The following FGF14 variants were observed in gnomAD, a reference collection of about 807,000 sequenced individuals.
FGF14 encodes the protein fibroblast growth factor 14, also known as fibroblast growth factor homologous factor 4.
A neutral mutation model predicts 25.5 loss-of-function variants in FGF14; 5 were observed. The ratio of observed to expected loss-of-function variants is 0.20; its 90% CI spans 0.10 to 0.41. The LOEUF is 0.41. Ranked by LOEUF, FGF14 falls within the 10% of genes least tolerant of loss-of-function variation. The probability of loss-of-function intolerance (pLI) is 1.00; values close to 1 mark genes in which losing one functional copy is unlikely to be tolerated. For missense variants in FGF14, 222 were observed against 320.1 expected (o/e 0.69, Z 2.34); for synonymous variants, 138 against 118.3 (o/e 1.17, Z -1.08).
intron 1 of FGF14, among the ~76,000 whole-genome samples, chr13:101,883,809 T>A (rs2045842922): frequency 6.6e-6 from 1 of 151,928 alleles, no homozygotes; most frequent in African/African-American, 2.4e-5. Flanking sequence ...ACACCTGTAA[T>A]CCCAGCACTT....
chr13:102,255,344 A>C (rs2052384811), intron 1 of FGF14, among the ~76,000 whole-genome samples: 1 of 152,218 alleles, frequency 6.6e-6, no homozygotes, highest in South Asian at 2.1e-4. Context: ...ATGAACCAAA[A>C]ATTGTTGAAA....
chr13:102,109,750 G>C (rs1446814572), intron 1 of FGF14, among the ~76,000 whole-genome samples: 14 of 152,134 alleles, frequency 9.2e-5, no homozygotes, highest in African/African-American at 3.1e-4. Context: ...CTCCTGAGTA[G>C]CTGGGACTAC....
chr13:101,870,093 T>C (rs2044967988), intron 2 of FGF14, among the ~76,000 whole-genome samples: 1 of 152,178 alleles, frequency 6.6e-6, no homozygotes. Flanking sequence ...TTAGTTTCAC[T>C]ACGTAAACTA....
intron 1 of FGF14, among the ~76,000 whole-genome samples, chr13:102,198,835 G>A (rs1006954585): frequency 2.0e-5 from 3 of 152,154 alleles, no homozygotes; most frequent in African/African-American, 7.2e-5. Flanking sequence ...TGGTATCTCT[G>A]ACATGGCTTA....
At chr13:102,338,881 C>T (rs2056867136) in intron 1 of FGF14, among the ~76,000 whole-genome samples, 1 of 151,428 alleles carries the variant, frequency 6.6e-6, no homozygotes, top group Admixed American at 6.6e-5. Flanking sequence ...CATGGTGGTG[C>T]GCACCTGTAA....
In FGF14 at chr13:102,057,771, GATAA is replaced by G. The variant is rs1197518660; in HGVS notation, c.209-182479_209-182476del. ...TGAATAAAGGAATAGATAAATAAAT[GATAA>G]ATAAAGTGACTGAATACATTTAACC... On this transcript the variant is annotated intron_variant, in intron 1 of 4. Coordinates refer to the FGF14 transcript ENST00000376131. Among the ~76,000 whole-genome samples, 9 of 152,224 alleles carry G rather than the reference GATAA, an allele frequency of 5.9e-5. No homozygotes were observed. In the South Asian group the frequency reaches 1.0e-3, roughly 18 times the overall value.
intron 1 of FGF14, among the ~76,000 whole-genome samples, chr13:102,074,310 G>C (rs1293456016): frequency 6.6e-6 from 1 of 152,196 alleles, no homozygotes; most frequent in Non-Finnish European, 1.5e-5. Context: ...ACCACGCCCA[G>C]CAGGGCTATT....
chr13:101,816,136 G>A (rs2041833233), intron 3 of FGF14, among the ~76,000 whole-genome samples: 2 of 151,408 alleles, frequency 1.3e-5, no homozygotes, highest in African/African-American at 4.9e-5. Flanking sequence ...CGGGCGTGTT[G>A]GCGGGCGCCT....
intron 1 of FGF14, among the ~76,000 whole-genome samples, chr13:101,890,514 G>A (rs1360148302): frequency 6.6e-6 from 1 of 152,160 alleles, no homozygotes; most frequent in Non-Finnish European, 1.5e-5. Context: ...GGTCATCCCA[G>A]AAAGGCAGAA....
At chr13:102,167,087 G>T (rs538203031) in intron 1 of FGF14, among the ~76,000 whole-genome samples, 1 of 152,152 alleles carries the variant, frequency 6.6e-6, no homozygotes, top group African/African-American at 2.4e-5. Flanking sequence ...GATCACCTGA[G>T]GTCAGGAGTT....
rs908846605 is a variant in FGF14, at chr13:102,064,029, T to C, written c.209-188733A>G. 2.6e-5 allele frequency among the ~76,000 whole-genome samples: 4 copies of C among 152,288 alleles called. No individual in the cohort carries two copies. The East Asian group carries it at 7.7e-4, about 29-fold the overall frequency. Reference sequence around the variant, plus strand: ...TTTAAAGTACACATTTAAAAATGAATGACAATAAATAAAATAATGATTTGA... The same window carrying C: ...TTTAAAGTACACATTTAAAAATGAACGACAATAAATAAAATAATGATTTGA... On this transcript the variant is annotated intron_variant, in intron 1 of 4. Coordinates refer to the FGF14 transcript ENST00000376131.
At chr13:101,915,930 C>T (rs969616146) in intron 1 of FGF14, among the ~76,000 whole-genome samples, 4 of 152,190 alleles carry the variant, frequency 2.6e-5, no homozygotes, top group Non-Finnish European at 4.4e-5. Context: ...CCCTCCACTC[C>T]TTCTACAGCA....
chr13:102,343,257 A>G (rs547010334), intron 1 of FGF14, among the ~76,000 whole-genome samples: 1 of 152,300 alleles, frequency 6.6e-6, no homozygotes, highest in East Asian at 1.9e-4. Flanking sequence ...AATTGTTAAG[A>G]GTGGCTTGAA....
At chr13:101,895,828 A>AT (rs1320904697) in intron 1 of FGF14, among the ~76,000 whole-genome samples, 3 of 152,124 alleles carry the variant, frequency 2.0e-5, no homozygotes, top group East Asian at 3.9e-4. Context: ...ATTCTCACGT[A>AT]TTTTTTTTAC....
At chr13:101,897,373 T>C (rs976581019) in intron 1 of FGF14, among the ~76,000 whole-genome samples, 2 of 152,166 alleles carry the variant, frequency 1.3e-5, no homozygotes, top group Non-Finnish European at 2.9e-5. Context: ...GCTCTGCAAA[T>C]AGAGGTCTAT....
chr13:102,106,658 G>T (rs1320838633), intron 1 of FGF14, among the ~76,000 whole-genome samples: 1 of 151,720 alleles, frequency 6.6e-6, no homozygotes, highest in Non-Finnish European at 1.5e-5. Flanking sequence ...AAAAGAAAAA[G>T]AACTGAAAAG....
intron 1 of FGF14, among the ~76,000 whole-genome samples, chr13:101,903,660 T>C (rs541929699): frequency 1.3e-5 from 2 of 152,218 alleles, no homozygotes; most frequent in South Asian, 2.1e-4. Flanking sequence ...GCCACAAATA[T>C]ACAGAATCTA....
intron 1 of FGF14, among the ~76,000 whole-genome samples, chr13:102,124,740 C>A (rs1229110822): frequency 6.6e-6 from 1 of 152,086 alleles, no homozygotes; most frequent in Non-Finnish European, 1.5e-5. Context: ...TTGTCTTTCT[C>A]TAGCATCTCT....
intron 1 of FGF14, among the ~76,000 whole-genome samples, chr13:102,027,003 G>A (rs933294684): frequency 6.6e-6 from 1 of 151,850 alleles, no homozygotes; most frequent in Non-Finnish European, 1.5e-5. Context: ...AAACCTAAAG[G>A]GGCTGTCTAA....
Sources: gnomAD v4.1 joint callset for allele counts (sites outside exome capture counted in the v4.1 genomes callset) on GRCh38, gnomAD v4.1.1 for gene constraint, MANE v1.5 for transcripts, NCBI Gene and HGNC (gene_info 2026-07-23, HGNC 2026-07-21) for gene names.